The following TENM3 variants were observed in gnomAD, a reference collection of about 807,000 sequenced individuals.
The protein encoded by TENM3 is teneurin-3.
A neutral mutation model predicts 255.1 loss-of-function variants in TENM3; 63 were observed. That is an observed-to-expected ratio of 0.25 (90% CI 0.20 to 0.30). The LOEUF is 0.30. TENM3 is among the 10% of genes least tolerant of loss of function. TENM3 has a pLI of 1.00. For missense variants in TENM3, 2,929 were observed against 3,461.1 expected (o/e 0.85, Z 3.86); for synonymous variants, 1,306 against 1,322.3 (o/e 0.99, Z 0.27).
intron 3 of TENM3, among the ~76,000 whole-genome samples, chr4:182,415,153 G>A (rs939188754): frequency 6.6e-6 from 1 of 152,160 alleles, no homozygotes; most frequent in Non-Finnish European, 1.5e-5. Context: ...TAACAGGAGG[G>A]AGAAGAAAGG....
the TENM3 span, among the ~76,000 whole-genome samples, chr4:181,594,340 T>A: frequency 2.0e-5 from 3 of 152,328 alleles, no homozygotes; most frequent in South Asian, 6.2e-4. Context: ...GCTAACACTT[T>A]TTAAAAGTTA....
chr4:182,351,533 C>G (rs537408706), intron 3 of TENM3, among the ~76,000 whole-genome samples: 1 of 152,144 alleles, frequency 6.6e-6, no homozygotes, highest in Non-Finnish European at 1.5e-5. Context: ...AGCTGCCTGC[C>G]GAGTTCTGGA....
At chr4:181,721,296 G>T in the TENM3 span, among the ~76,000 whole-genome samples, 1 of 151,840 alleles carries the variant, frequency 6.6e-6, no homozygotes, top group Middle Eastern at 3.4e-3. Context: ...TATCCTGAAA[G>T]CTGAGCTCAT....
rs1376029701 is a variant in TENM3 at position 182,442,847 on chromosome 4, T to TATATACAC, written c.511+95919_511+95920insTATACACA. Among the ~76,000 whole-genome samples, 15 of 147,792 alleles carry TATATACAC rather than the reference T, an allele frequency of 1.0e-4. No homozygotes were observed. The East Asian group carries it at 1.2e-3, about 12-fold the overall frequency. On this transcript the variant is annotated intron_variant, in intron 3 of 27. Transcript: ENST00000511685. Reference sequence around the variant, plus strand: ...ACATATATATACATACATACATATATACACACACACACACACACACACACA... The same window carrying TATATACAC: ...ACATATATATACATACATACATATATATATACACACACACACACACACACACACACACA...
At chr4:181,946,943 C>T in the TENM3 span, among the ~76,000 whole-genome samples, 2 of 152,166 alleles carry the variant, frequency 1.3e-5, no homozygotes, top group Non-Finnish European at 2.9e-5. Flanking sequence ...GTGTAATAAG[C>T]ACTATGGTTA....
chr4:181,838,296 T>C, the TENM3 span, among the ~76,000 whole-genome samples: 1 of 152,252 alleles, frequency 6.6e-6, no homozygotes, highest in South Asian at 2.1e-4. Context: ...TAGGATCTTC[T>C]CGCCTACATT....
rs867053506 is a variant in TENM3 at position 182,600,870 on chromosome 4, T to C, written c.512-54T>C. ...AAGAAATTGGTAGTGTGTATATACA[T>C]ATATATATATATAATGAGTTCTCTT... On this transcript the variant is annotated intron_variant, in intron 3 of 27. Coordinates refer to ENST00000511685, the MANE Select transcript of TENM3 (RefSeq NM_001080477.4). 2.5e-6 allele frequency: 2 copies of C among 791,262 alleles called. 1 individual carries two copies. Among genetic ancestry groups the C allele is most frequent in the Admixed American group, 5.9e-5 (2 of 33,914 alleles). 49.0% of individuals were successfully genotyped at this position (791,262 alleles called of 1,614,324 possible).
chr4:181,708,900 G>A, the TENM3 span, among the ~76,000 whole-genome samples: 1 of 152,272 alleles, frequency 6.6e-6, no homozygotes, highest in East Asian at 1.9e-4. Context: ...CAAAAAGCAA[G>A]GATAATTTCA....
the TENM3 span, among the ~76,000 whole-genome samples, chr4:182,046,466 G>A: frequency 3.3e-5 from 5 of 151,920 alleles, no homozygotes; most frequent in Admixed American, 6.6e-5. Context: ...CACTTTGGGA[G>A]GCTGAGGTGG....
the TENM3 span, among the ~76,000 whole-genome samples, chr4:181,524,721 C>G: frequency 1.3e-5 from 2 of 152,006 alleles, no homozygotes; most frequent in African/African-American, 4.8e-5. Flanking sequence ...GCCATTAATC[C>G]GTTCTGTTTT....
the TENM3 span, among the ~76,000 whole-genome samples, chr4:181,552,508 A>C: frequency 4.6e-5 from 7 of 152,212 alleles, no homozygotes; most frequent in African/African-American, 1.7e-4. Flanking sequence ...CTCTCGTAAG[A>C]GCTTCCTCAA....
chr4:182,679,723 C>T lies in TENM3; in HGVS notation c.1384C>T (p.Leu462=), dbSNP rs1755975226. 2 of 1,613,546 alleles carry T rather than the reference C, an allele frequency of 1.2e-6. No homozygotes were observed. The highest frequency in any genetic ancestry group is 2.7e-5 in the African/African-American group (2 of 74,914). The part of the protein sequence containing the change: ...SRLIAREQRS[L]LETERAGRQA... ...GCTGATTGCCAGAGAGCAGCGGAGC[C>T]TGCTTGAGACGGAGAGAGCCGGGCG... The change falls in exon 8 of 28, where the codon CTG becomes TTG. Residue 462 remains leucine, a synonymous_variant. Coordinates refer to ENST00000511685, the MANE Select transcript of TENM3 (RefSeq NM_001080477.4).
At chr4:182,634,197 G>A (rs935141301) in intron 5 of TENM3, among the ~76,000 whole-genome samples, 3 of 152,142 alleles carry the variant, frequency 2.0e-5, no homozygotes, top group African/African-American at 7.2e-5. Flanking sequence ...TTGAGCACTT[G>A]AAATGTAGCT....
At chr4:181,693,857 G>T in the TENM3 span, among the ~76,000 whole-genome samples, 1 of 152,110 alleles carries the variant, frequency 6.6e-6, no homozygotes, top group African/African-American at 2.4e-5. Flanking sequence ...TGGCTGGTTA[G>T]GTCTTCCTGG....
the TENM3 span, among the ~76,000 whole-genome samples, chr4:182,004,850 G>T: frequency 6.6e-6 from 1 of 152,004 alleles, no homozygotes; most frequent in Admixed American, 6.6e-5. Flanking sequence ...TCTCATGTTT[G>T]TTGACCATGT....
chr4:182,237,255 T>C, intron 1 of TENM3, among the ~76,000 whole-genome samples: 1 of 152,240 alleles, frequency 6.6e-6, no homozygotes, highest in African/African-American at 2.4e-5. Flanking sequence ...CTGTCATTGA[T>C]GGGCATTTAG....
the TENM3 span, among the ~76,000 whole-genome samples, chr4:181,856,324 T>A: frequency 6.6e-6 from 1 of 152,118 alleles, no homozygotes; most frequent in Non-Finnish European, 1.5e-5. Context: ...TGCCAAGACC[T>A]ATAAATCTAA....
chr4:181,975,935 G>A, the TENM3 span: 1 of 152,152 alleles, frequency 6.6e-6, no homozygotes, highest in African/African-American at 2.4e-5. Flanking sequence ...CAGCAAGGTT[G>A]GTTTCTTCTG....
At chr4:182,044,105 GCTACTACCTTTAA>G in the TENM3 span, among the ~76,000 whole-genome samples, 63 of 152,242 alleles carry the variant, frequency 4.1e-4, no homozygotes, top group Non-Finnish European at 7.2e-4. Context: ...ATGGAGGTAG[GCTACTACCTTTAA>G]AATACACATA....
Sources: allele counts gnomAD v4.1 joint callset (sites outside exome capture counted in the v4.1 genomes callset), GRCh38; gene constraint gnomAD v4.1.1; transcripts MANE v1.5; gene names NCBI Gene and HGNC (gene_info 2026-07-23, HGNC 2026-07-21).